The following TCP11L2 variants were observed in gnomAD, a reference collection of about 807,000 sequenced individuals.
TCP11L2 encodes t-complex 11 like 2.
In TCP11L2, 39 loss-of-function variants were observed where a neutral mutation model predicts 50.7. The observed-to-expected ratio is 0.77, with a 90% CI of 0.60 to 1.01. TCP11L2 has a LOEUF of 1.01. Ranked by LOEUF, TCP11L2 falls within the 50% of genes least tolerant of loss-of-function variation. TCP11L2 has a pLI of 0.00. For missense variants in TCP11L2, 612 were observed against 614.7 expected (o/e 1.00, Z 0.05); for synonymous variants, 192 against 219.3 (o/e 0.88, Z 1.10).
intron 6 of TCP11L2, chr12:106,329,214 G>T: frequency 7.8e-7 from 1 of 1,283,604 alleles, no homozygotes; most frequent in Non-Finnish European, 1.1e-6. Flanking sequence ...TGCAGGGACT[G>T]TGCTTATTTA....
chr12:106,331,772 G>A (rs1027228454), intron 6 of TCP11L2, among the ~76,000 whole-genome samples: 1 of 152,202 alleles, frequency 6.6e-6, no homozygotes, highest in Admixed American at 6.5e-5. Flanking sequence ...CCCAACTACT[G>A]CACCAGCCAC....
At chr12:106,327,522 T>A (rs2035598175) in intron 6 of TCP11L2, among the ~76,000 whole-genome samples, 1 of 152,176 alleles carries the variant, frequency 6.6e-6, no homozygotes, top group Non-Finnish European at 1.5e-5. Flanking sequence ...CTGTAATCCA[T>A]TTGCAACTTT....
At chr12:106,323,987 T>C (rs1369839917) in intron 6 of TCP11L2, 5 of 152,758 alleles carry the variant, frequency 3.3e-5, no homozygotes, top group Admixed American at 3.3e-4. Flanking sequence ...GATATATTTA[T>C]TGAGTGCCTC....
At chr12:106,300,636 G>A (rs889543478), upstream of TCP11L2, among the ~76,000 whole-genome samples, 1 of 152,166 alleles carries the variant, frequency 6.6e-6, no homozygotes, top group African/African-American at 2.4e-5. Flanking sequence ...GGCCCAAAGT[G>A]CTTTTATACA....
intron 1 of TCP11L2, among the ~76,000 whole-genome samples, chr12:106,305,126 T>A (rs1448317094): frequency 6.6e-6 from 1 of 152,208 alleles, no homozygotes; most frequent in Admixed American, 6.5e-5. Flanking sequence ...GGATTTGAGT[T>A]GTGCCTCTAC....
At chr12:106,336,344 T>G in intron 8 of TCP11L2, 131 bp downstream of exon 8, 1 of 793,450 alleles carries the variant, frequency 1.3e-6, no homozygotes, top group Non-Finnish European at 1.9e-6. Context: ...ATCTTACACC[T>G]TTTTCTAGAA....
chr12:106,338,177 C>CA (rs950520038), intron 8 of TCP11L2, among the ~76,000 whole-genome samples: 3 of 151,884 alleles, frequency 2.0e-5, no homozygotes, highest in African/African-American at 7.3e-5. Context: ...TTCCCTTTTT[C>CA]AACTTTTATT....
intron 8 of TCP11L2, among the ~76,000 whole-genome samples, chr12:106,340,137 T>C (rs935191902): frequency 5.9e-5 from 9 of 152,228 alleles, no homozygotes; most frequent in Non-Finnish European, 1.2e-4. Flanking sequence ...GGACCTTTTC[T>C]GGATAGTGAG....
chr12:106,323,754 A>T, intron 6 of TCP11L2, 108 bp downstream of exon 6: 1 of 456,266 alleles, frequency 2.2e-6, no homozygotes, highest in Non-Finnish European at 3.3e-6. Context: ...TAATAAATAA[A>T]TAAAATTTAA....
At chr12:106,318,252 C>G (rs1405013757) in intron 3 of TCP11L2, 92 bp from the exon 4 acceptor site, 9 of 1,419,270 alleles carry the variant, frequency 6.3e-6, no homozygotes, top group Middle Eastern at 2.0e-4. Context: ...GTTTTTTTTA[C>G]ATTTTATAAG....
Position 106,322,147 on chromosome 12 carries a change from C to T in TCP11L2, c.635+441C>T, listed in dbSNP as rs114791001. On this transcript the variant is annotated intron_variant, in intron 5 of 9. Transcript: ENST00000299045. ...AAACCCTAAATTCTCAGTGGTTTAT[C>T]CAGTAAAAGTTTGTTTCTCATGTCA... Among the ~76,000 whole-genome samples, 275 of 152,176 alleles carry T rather than the reference C, an allele frequency of 1.8e-3. 3 individuals are homozygous for T. The highest frequency in any genetic ancestry group is 6.3e-3 in the African/African-American group (260 of 41,512).
chr12:106,300,411 C>T (rs2034390502), upstream of TCP11L2, among the ~76,000 whole-genome samples: 1 of 152,174 alleles, frequency 6.6e-6, no homozygotes, highest in African/African-American at 2.4e-5. Flanking sequence ...CTCACTGCAA[C>T]CTCCACCTCC....
At position 106,320,645 on chromosome 12, in the gene TCP11L2, C is replaced by T. The variant is rs138327370; in HGVS notation, c.415-841C>T. ...GCATCCTGTCCAGGGCTGGTTCCTG[C>T]CTTGTGCCCTGAGCTGCCATGGTAG... On this transcript the variant is annotated intron_variant, in intron 4 of 9. Coordinates refer to ENST00000299045, the MANE Select transcript of TCP11L2 (RefSeq NM_152772.3). Among the ~76,000 whole-genome samples, 1,435 of 152,274 alleles carry T rather than the reference C, an allele frequency of 9.4e-3. 21 individuals are homozygous for T. Among genetic ancestry groups the T allele is most frequent in the African/African-American group, 0.032 (1,313 of 41,566 alleles).
intron 6 of TCP11L2, 39 bp from the exon 7 acceptor site, chr12:106,335,600 A>G (rs776047496): frequency 6.3e-7 from 1 of 1,599,350 alleles, no homozygotes; most frequent in Non-Finnish European, 8.5e-7. Flanking sequence ...GAAGGGATCA[A>G]TCAGCTGTAG....
chr12:106,339,094 G>A (rs1293574289), intron 8 of TCP11L2, among the ~76,000 whole-genome samples: 3 of 152,170 alleles, frequency 2.0e-5, no homozygotes, highest in African/African-American at 4.8e-5. Context: ...GCAGTGAGCC[G>A]AGATTGTGCC....
chr12:106,323,651 G>A lies in TCP11L2; in HGVS notation c.772+5G>A, dbSNP rs771221283. 3.2e-6 allele frequency: 5 copies of A among 1,544,624 alleles called. No homozygotes were observed. The South Asian group carries it at 3.8e-5, about 12-fold the overall frequency. On this transcript the variant is annotated splice_donor_5th_base_variant and intron_variant, in intron 6 of 9. Transcript: ENST00000299045. ...AAATTTTGGAAGAAACTCCAAGTGA[G>A]TATAATATAATGTGTATTTATATTG...
At chr12:106,345,536 G>A (rs2036204575) in intron 9 of TCP11L2, among the ~76,000 whole-genome samples, 1 of 152,154 alleles carries the variant, frequency 6.6e-6, no homozygotes, top group Admixed American at 6.5e-5. Flanking sequence ...AAAAGACACT[G>A]CATGGGCCAG....
chr12:106,303,738 G>A (rs1035131455), intron 1 of TCP11L2: 1 of 152,194 alleles, frequency 6.6e-6, no homozygotes, highest in Non-Finnish European at 1.5e-5. Flanking sequence ...TAAGTAAGCA[G>A]TTTCACAATG....
chr12:106,309,784 T>A (rs1286200642), intron 1 of TCP11L2, among the ~76,000 whole-genome samples: 2 of 151,714 alleles, frequency 1.3e-5, no homozygotes, highest in South Asian at 4.2e-4. Context: ...TTGGTTACTT[T>A]CCCCGGTGCT....
Sources: gnomAD v4.1 joint callset for allele counts (sites outside exome capture counted in the v4.1 genomes callset) on GRCh38, gnomAD v4.1.1 for gene constraint, MANE v1.5 for transcripts, NCBI Gene and HGNC (gene_info 2026-07-23, HGNC 2026-07-21) for gene names.